The following CTNNA3 variants were observed in gnomAD, a reference collection of about 807,000 sequenced individuals.
The protein encoded by CTNNA3 is catenin alpha 3.
In CTNNA3, 76 loss-of-function variants were observed where a neutral mutation model predicts 95.7. That is an observed-to-expected ratio of 0.79 (90% CI 0.66 to 0.96). The LOEUF is 0.96. Ranked by LOEUF, CTNNA3 falls within the 40% of genes least tolerant of loss-of-function variation. The pLI is 0.00. For missense variants in CTNNA3, 1,191 were observed against 1,089.8 expected (o/e 1.09, Z -1.31); for synonymous variants, 431 against 374.4 (o/e 1.15, Z -1.74).
intron 3 of CTNNA3, among the ~76,000 whole-genome samples, chr10:67,551,328 G>A (rs897483367): frequency 1.3e-5 from 2 of 152,046 alleles, no homozygotes; most frequent in Non-Finnish European, 2.9e-5. Flanking sequence ...GGAACGACGT[G>A]GAGTTTTACT....
chr10:65,944,907 C>G (rs5016863), intron 17 of CTNNA3, among the ~76,000 whole-genome samples: 1 of 125,924 alleles, frequency 7.9e-6, no homozygotes. Flanking sequence ...TATCATCTAT[C>G]TATCATCTAT....
At chr10:66,476,911 T>C (rs1222871705) in intron 11 of CTNNA3, among the ~76,000 whole-genome samples, 1 of 152,050 alleles carries the variant, frequency 6.6e-6, no homozygotes, top group African/African-American at 2.4e-5. Flanking sequence ...GATATTTTTC[T>C]CATGTCCTCC....
At chr10:67,315,871 CTT>C (rs1337804739) in intron 5 of CTNNA3, among the ~76,000 whole-genome samples, 2 of 152,144 alleles carry the variant, frequency 1.3e-5, no homozygotes, top group East Asian at 3.9e-4. Context: ...AATATGTTAA[CTT>C]TGTGCTCTAC....
chr10:67,647,591 TG>T, intron 1 of CTNNA3, 73 bp from the exon 2 acceptor site: 1 of 1,232,988 alleles, frequency 8.1e-7, no homozygotes, highest in Non-Finnish European at 1.2e-6. Context: ...TATGAAATCA[TG>T]GAATAGGTAA....
chr10:66,652,578 C>A (rs1425662105), intron 9 of CTNNA3, among the ~76,000 whole-genome samples: 3 of 152,094 alleles, frequency 2.0e-5, no homozygotes, highest in African/African-American at 7.2e-5. Context: ...AGAATTAATT[C>A]CAATCCTTCT....
intron 5 of CTNNA3, among the ~76,000 whole-genome samples, chr10:67,374,049 G>A (rs1263824661): frequency 6.6e-6 from 1 of 152,120 alleles, no homozygotes; most frequent in Non-Finnish European, 1.5e-5. Flanking sequence ...TTTGATAGAA[G>A]TGCACATTTT....
At chr10:67,523,434 T>C (rs776792552) in intron 4 of CTNNA3, among the ~76,000 whole-genome samples, 2 of 152,210 alleles carry the variant, frequency 1.3e-5, no homozygotes, top group Non-Finnish European at 2.9e-5. Context: ...CATTCTATAA[T>C]TGAGTAAACT....
At chr10:67,758,453 G>T (rs911815043) in intron 1 of CTNNA3, among the ~76,000 whole-genome samples, 2 of 151,268 alleles carry the variant, frequency 1.3e-5, no homozygotes, top group African/African-American at 4.9e-5. Flanking sequence ...CAAAAAATAA[G>T]AATTAGTAAA....
chr10:67,660,407 A>G (rs1168982864), intron 1 of CTNNA3, among the ~76,000 whole-genome samples: 1 of 152,168 alleles, frequency 6.6e-6, no homozygotes, highest in Non-Finnish European at 1.5e-5. Flanking sequence ...AGTATCCCAT[A>G]CACATGGACT....
chr10:67,301,782 C>G (rs549454078), intron 5 of CTNNA3, among the ~76,000 whole-genome samples: 1 of 152,086 alleles, frequency 6.6e-6, no homozygotes, highest in South Asian at 2.1e-4. Context: ...TCCTGGCTAA[C>G]ACGGTGAAAC....
rs557232702 is a variant in CTNNA3 at position 65,945,087 on chromosome 10, C to A, written c.2400+21525G>T. Among the ~76,000 whole-genome samples, 11 of 151,828 alleles carry A rather than the reference C, an allele frequency of 7.2e-5. 1 individual carries two copies. The South Asian group carries it at 2.3e-3, about 32-fold the overall frequency. ...AGGCACAAATTTACCTTGTTTAGAACAACTAATTTATATATGTATGCATTT... is the reference window on the plus strand; with the variant it reads ...AGGCACAAATTTACCTTGTTTAGAAAAACTAATTTATATATGTATGCATTT... On this transcript the variant is annotated intron_variant, in intron 17 of 17. Coordinates refer to ENST00000433211, the MANE Select transcript of CTNNA3 (RefSeq NM_013266.4).
At chr10:67,443,478 G>A (rs1294254568) in intron 5 of CTNNA3, among the ~76,000 whole-genome samples, 2 of 151,798 alleles carry the variant, frequency 1.3e-5, no homozygotes, top group South Asian at 4.2e-4. Context: ...ACTTTTTAAT[G>A]ATTGCCGTTC....
At chr10:66,652,393 G>C (rs1845942481) in intron 9 of CTNNA3, among the ~76,000 whole-genome samples, 1 of 151,948 alleles carries the variant, frequency 6.6e-6, no homozygotes, top group Non-Finnish European at 1.5e-5. Context: ...GAATAACCTA[G>C]AAGAAATGGG....
chr10:67,137,844 G>A (rs1405192632), intron 7 of CTNNA3, among the ~76,000 whole-genome samples: 2 of 151,666 alleles, frequency 1.3e-5, no homozygotes, highest in Non-Finnish European at 2.9e-5. Flanking sequence ...AAAAAGGAGG[G>A]CTTGTATGAG....
chr10:67,699,281 A>G (rs1216783640), upstream of CTNNA3, among the ~76,000 whole-genome samples: 1 of 152,014 alleles, frequency 6.6e-6, no homozygotes, highest in Non-Finnish European at 1.5e-5. Flanking sequence ...TCATCATAAT[A>G]CTTCCCAAAT....
At chr10:67,620,209 C>T (rs1402650533) in intron 2 of CTNNA3, among the ~76,000 whole-genome samples, 1 of 152,118 alleles carries the variant, frequency 6.6e-6, no homozygotes, top group East Asian at 1.9e-4. Context: ...CCTAGCCAAG[C>T]TACAAAAGAA....
At chr10:66,211,983 G>GTTATTTTTTTTTTTTTTTTTTTTT (rs1564770644) in intron 13 of CTNNA3, among the ~76,000 whole-genome samples, 1 of 95,012 alleles carries the variant, frequency 1.1e-5, no homozygotes, top group Non-Finnish European at 2.0e-5. Flanking sequence ...TTGTTTTTGG[G>GTTATTTTTTTTTTTTTTTTTTTTT]TTTTTTTTTT....
chr10:66,559,933 T>C (rs1842502134), intron 10 of CTNNA3, among the ~76,000 whole-genome samples: 1 of 152,132 alleles, frequency 6.6e-6, no homozygotes, highest in Non-Finnish European at 1.5e-5. Flanking sequence ...TACATCATAA[T>C]CTATTTCTGT....
chr10:67,363,560 T>C (rs1464088659), intron 5 of CTNNA3, among the ~76,000 whole-genome samples: 1 of 151,526 alleles, frequency 6.6e-6, no homozygotes, highest in Non-Finnish European at 1.5e-5. Context: ...ACAAAATAGA[T>C]AGACTGCTAG....
Sources: gnomAD v4.1 joint callset for allele counts (sites outside exome capture counted in the v4.1 genomes callset) on GRCh38, gnomAD v4.1.1 for gene constraint, MANE v1.5 for transcripts, NCBI Gene and HGNC (gene_info 2026-07-23, HGNC 2026-07-21) for gene names.